The following CACNA2D2 variants were observed in gnomAD, a reference collection of about 807,000 sequenced individuals.
CACNA2D2 encodes calcium voltage-gated channel auxiliary subunit alpha2delta 2.
In CACNA2D2, 48 loss-of-function variants were observed where a neutral mutation model predicts 166.4. That is an observed-to-expected ratio of 0.29 (90% CI 0.23 to 0.37). The LOEUF is 0.37. Ranked by LOEUF, CACNA2D2 falls within the 10% of genes least tolerant of loss-of-function variation. CACNA2D2 has a pLI of 1.00. For missense variants in CACNA2D2, 1,122 were observed against 1,433.0 expected (o/e 0.78, Z 3.50); for synonymous variants, 561 against 573.7 (o/e 0.98, Z 0.32).
chr3:50,468,441 G>GTGTGTGTGTGTGTGTGTGT (rs61609978), intron 2 of CACNA2D2, among the ~76,000 whole-genome samples: 16 of 140,508 alleles, frequency 1.1e-4, no homozygotes, highest in East Asian at 4.2e-4. Context: ...GTGTGTGTGT[G>GTGTGTGTGTGTGTGTGTGT]GCTTTAGGAA....
chr3:50,443,402 C>T (rs892889872), intron 2 of CACNA2D2, among the ~76,000 whole-genome samples: 3 of 152,216 alleles, frequency 2.0e-5, no homozygotes, highest in Non-Finnish European at 4.4e-5. Context: ...CAGGGCTCAG[C>T]GCATAACCCA....
chr3:50,441,347 T>C (rs1021984786), intron 2 of CACNA2D2, among the ~76,000 whole-genome samples: 1 of 152,218 alleles, frequency 6.6e-6, no homozygotes, highest in Non-Finnish European at 1.5e-5. Flanking sequence ...CCGCAATTAG[T>C]ACATTATGTC....
At chr3:50,468,432 T>C (rs1353809268) in intron 2 of CACNA2D2, among the ~76,000 whole-genome samples, 1 of 148,990 alleles carries the variant, frequency 6.7e-6, no homozygotes, top group Admixed American at 6.7e-5. Flanking sequence ...TGTGTGTGTG[T>C]GTGTGTGTGG....
intron 3 of CACNA2D2, among the ~76,000 whole-genome samples, chr3:50,414,416 C>G (rs1228122959): frequency 6.6e-6 from 1 of 152,194 alleles, no homozygotes; most frequent in African/African-American, 2.4e-5. Context: ...CCCAAAAATA[C>G]CTTCCAGAGT....
chr3:50,408,717 G>A (rs571924805), intron 3 of CACNA2D2, among the ~76,000 whole-genome samples: 10 of 152,264 alleles, frequency 6.6e-5, no homozygotes, highest in African/African-American at 2.4e-4. Flanking sequence ...AGTGAGAGGA[G>A]GGTGGGCAGG....
At chr3:50,439,918 A>G (rs1708512687) in intron 2 of CACNA2D2, among the ~76,000 whole-genome samples, 1 of 152,152 alleles carries the variant, frequency 6.6e-6, no homozygotes, top group Non-Finnish European at 1.5e-5. Context: ...CCCCTGCCTC[A>G]CCCACCCCTT....
At chr3:50,447,902 C>G (rs1181841095) in intron 2 of CACNA2D2, among the ~76,000 whole-genome samples, 1 of 152,182 alleles carries the variant, frequency 6.6e-6, no homozygotes, top group Non-Finnish European at 1.5e-5. Flanking sequence ...GTACGCTCTT[C>G]TAAGTGCCCC....
intron 22 of CACNA2D2, 77 bp downstream of exon 22, chr3:50,374,660 G>T (rs903159958): frequency 7.9e-6 from 12 of 1,510,120 alleles, no homozygotes; most frequent in Non-Finnish European, 1.1e-5. Flanking sequence ...AAGCGGCGCT[G>T]GCTATGCTGC....
intron 2 of CACNA2D2, 106 bp from the exon 3 acceptor site, chr3:50,434,535 G>A (rs1042209777): frequency 1.7e-5 from 14 of 803,336 alleles, no homozygotes; most frequent in African/African-American, 6.8e-5. Flanking sequence ...GTATTCACCC[G>A]CACCCAGACC....
At chr3:50,455,009 G>A (rs1709287142) in intron 2 of CACNA2D2, among the ~76,000 whole-genome samples, 1 of 152,174 alleles carries the variant, frequency 6.6e-6, no homozygotes, top group Non-Finnish European at 1.5e-5. Flanking sequence ...GAAAGGCTTC[G>A]GCCCTAGGGA....
intron 3 of CACNA2D2, among the ~76,000 whole-genome samples, chr3:50,429,394 A>G (rs549663236): frequency 2.8e-4 from 42 of 152,078 alleles, no homozygotes; most frequent in South Asian, 6.2e-4. Flanking sequence ...CAGGTCCGGC[A>G]CTTGGTGGGC....
In CACNA2D2 at chr3:50,378,911, G is replaced by A. The variant is rs2106657382; in HGVS notation, c.1339+4C>T. 6.2e-7 allele frequency: 1 copy of A among 1,613,728 alleles called. No individual in the cohort carries two copies. The highest frequency in any genetic ancestry group is 8.5e-7 in the Non-Finnish European group (1 of 1,180,026). ...CCCCTGACAGTGATGCGCAGGGGAG[G>A]TACCTTTGTTGGCACAGGCCATCCA... On this transcript the variant is annotated splice_donor_region_variant and intron_variant, in intron 13 of 37. Coordinates refer to ENST00000424201, the MANE Select transcript of CACNA2D2 (RefSeq NM_006030.4).
chr3:50,451,949 C>A (rs1709122120), intron 2 of CACNA2D2, among the ~76,000 whole-genome samples: 1 of 152,204 alleles, frequency 6.6e-6, no homozygotes, highest in Non-Finnish European at 1.5e-5. Flanking sequence ...ATAACCAGAA[C>A]CTGGGTCCAA....
intron 22 of CACNA2D2, among the ~76,000 whole-genome samples, 181 bp from the exon 23 acceptor site, chr3:50,370,561 G>A (rs1205827999): frequency 2.6e-5 from 4 of 152,080 alleles, no homozygotes; most frequent in Non-Finnish European, 5.9e-5. Flanking sequence ...GGCAGGGAGG[G>A]TGGAGGGCCT....
chr3:50,502,824 G>A (rs182170451), intron 1 of CACNA2D2, among the ~76,000 whole-genome samples: 6 of 152,382 alleles, frequency 3.9e-5, no homozygotes, highest in South Asian at 2.1e-4. Flanking sequence ...ACGTGGGGCA[G>A]ATGCGCGGCT....
At chr3:50,396,224 C>G (rs1706142925) in intron 3 of CACNA2D2, among the ~76,000 whole-genome samples, 2 of 152,128 alleles carry the variant, frequency 1.3e-5, no homozygotes, top group South Asian at 4.1e-4. Flanking sequence ...ACCCTGGCCC[C>G]TCTGCCTCCT....
intron 3 of CACNA2D2, among the ~76,000 whole-genome samples, chr3:50,409,657 C>T (rs1268110241): frequency 6.6e-6 from 1 of 152,236 alleles, no homozygotes; most frequent in Non-Finnish European, 1.5e-5. Context: ...GAGGTGGTTC[C>T]TCAGCTTATC....
At chr3:50,397,187 A>G (rs1366668979) in intron 3 of CACNA2D2, among the ~76,000 whole-genome samples, 2 of 152,240 alleles carry the variant, frequency 1.3e-5, no homozygotes, top group Non-Finnish European at 2.9e-5. Context: ...CATGGGCTCA[A>G]AGGCTGGGTC....
chr3:50,366,737 G>C lies in CACNA2D2; in HGVS notation c.2589+94C>G. On this transcript the variant is annotated intron_variant, in intron 29 of 37. Coordinates refer to ENST00000424201, the MANE Select transcript of CACNA2D2 (RefSeq NM_006030.4). This position sits in a 1 kb window ranked among gnomAD's most constrained non-coding sequence, Gnocchi z 5.9. ...CTGCAGCTGGCCCTGCCTCCATGTA[G>C]GTGTTGGAGCCACTGAGTGGAGGGT... is the stretch of plus-strand genomic sequence containing the variant. The C allele has an allele frequency of 1.9e-6, 3 of 1,547,846 alleles. No individual in the cohort carries two copies. The highest frequency in any genetic ancestry group is 2.7e-6 in the Non-Finnish European group (3 of 1,124,818).
Sources: gnomAD v4.1 joint callset for allele counts (sites outside exome capture counted in the v4.1 genomes callset) on GRCh38, gnomAD v4.1.1 for gene constraint, Gnocchi (gnomAD v3.1) non-coding constraint, MANE v1.5 for transcripts, NCBI Gene and HGNC (gene_info 2026-07-23, HGNC 2026-07-21) for gene names.